NUP62CL: variants seen among roughly 807,000 people sequenced by gnomAD.
NUP62CL encodes the protein nucleoporin 62 C-terminal like, also known as nucleoporin-62 C-terminal-like protein.
In NUP62CL, 13 loss-of-function variants were observed where a neutral mutation model predicts 15.3. The ratio of observed to expected loss-of-function variants is 0.85; its 90% CI spans 0.55 to 1.35. The LOEUF is 1.35. NUP62CL is among the 40% of genes most tolerant of loss of function. The pLI, the probability that NUP62CL is intolerant of heterozygous loss-of-function variation, is 0.00. For synonymous variants in NUP62CL, 54 were observed against 49.2 expected, an observed-to-expected ratio of 1.10 and a Z score of -0.41; for missense variants, 123 against 130.6, an observed-to-expected ratio of 0.94 and a Z score of 0.28.
chrX:107,162,132 C>T (rs1040506206), intron 4 of NUP62CL, among the ~76,000 whole-genome samples: 11 of 110,378 alleles, frequency 1.0e-4, no homozygotes, highest in Admixed American at 8.7e-4. Flanking sequence ...AGAATGGAGT[C>T]AACAGAGGAT....
intron 8 of NUP62CL, among the ~76,000 whole-genome samples, chrX:107,142,597 C>T (rs1160039099): frequency 9.0e-6 from 1 of 111,693 alleles, no homozygotes; most frequent in East Asian, 2.8e-4. Context: ...TTCCATTGCC[C>T]GTTCCTTTAT....
At chrX:107,148,384 A>G (rs1467939908) in intron 7 of NUP62CL, among the ~76,000 whole-genome samples, 1 of 111,659 alleles carries the variant, frequency 9.0e-6, no homozygotes, top group Non-Finnish European at 1.9e-5. Context: ...GGACTATTTT[A>G]TATTGGCTAA....
intron 8 of NUP62CL, among the ~76,000 whole-genome samples, chrX:107,137,674 A>G (rs979991324): frequency 1.8e-5 from 2 of 111,966 alleles, no homozygotes; most frequent in African/African-American, 6.5e-5. Flanking sequence ...AAACCAAAAC[A>G]TGTATGTGAT....
At chrX:107,127,108 G>A (rs867886748) in intron 8 of NUP62CL, among the ~76,000 whole-genome samples, 1 of 111,079 alleles carries the variant, frequency 9.0e-6, no homozygotes, top group Non-Finnish European at 1.9e-5. Context: ...ACAATGAAAT[G>A]ATACACAGCA....
chrX:107,186,442 C>CT (rs1395525376), intron 2 of NUP62CL, among the ~76,000 whole-genome samples: 1 of 111,300 alleles, frequency 9.0e-6, no homozygotes, highest in Non-Finnish European at 1.9e-5. Context: ...TTTGCAGATA[C>CT]TTTTAATACA....
intron 8 of NUP62CL, among the ~76,000 whole-genome samples, chrX:107,138,049 C>T (rs763767259): frequency 1.3e-4 from 14 of 111,000 alleles, no homozygotes; most frequent in Non-Finnish European, 2.5e-4. Flanking sequence ...TTTTTTAAGG[C>T]ACAAAAGCAA....
chrX:107,130,593 T>A (rs1465012571), intron 8 of NUP62CL, among the ~76,000 whole-genome samples: 1 of 111,146 alleles, frequency 9.0e-6, no homozygotes, highest in African/African-American at 3.3e-5. Flanking sequence ...AGAGTCAATA[T>A]AAGAATGCTA....
intron 3 of NUP62CL, among the ~76,000 whole-genome samples, chrX:107,173,000 T>C (rs1926686592): frequency 9.0e-6 from 1 of 111,656 alleles, no homozygotes; most frequent in African/African-American, 3.2e-5. Flanking sequence ...TCCTGATAAT[T>C]CTAAAATCTT....
intron 1 of NUP62CL, among the ~76,000 whole-genome samples, chrX:107,194,929 G>A (rs945275926): frequency 4.2e-4 from 42 of 99,728 alleles, no homozygotes; most frequent in Non-Finnish European, 5.9e-4. Context: ...CAATTCTCCC[G>A]CCTCAGTCTC....
At chrX:107,195,193 A>G (rs1000256268) in intron 1 of NUP62CL, among the ~76,000 whole-genome samples, 3 of 111,538 alleles carry the variant, frequency 2.7e-5, no homozygotes, top group Non-Finnish European at 5.6e-5. Flanking sequence ...AAAATAAATT[A>G]TAAGAGAACT....
At chrX:107,157,967 G>A (rs1428640100) in intron 4 of NUP62CL, among the ~76,000 whole-genome samples, 1 of 103,837 alleles carries the variant, frequency 9.6e-6, no homozygotes, top group Admixed American at 1.0e-4. Flanking sequence ...AAAAAAGGCA[G>A]GGGTTGCAAT....
chrX:107,131,592 A>G, intron 8 of NUP62CL: 3 of 435,612 alleles, frequency 6.9e-6, no homozygotes, highest in South Asian at 6.1e-5. Flanking sequence ...TCAAGATGGC[A>G]GCTCCGCGTC....
intron 2 of NUP62CL, among the ~76,000 whole-genome samples, chrX:107,177,539 G>T (rs1426787481): frequency 9.0e-6 from 1 of 111,429 alleles, no homozygotes. Context: ...ACCTTTCCAG[G>T]ATGTGGTCAG....
intron 8 of NUP62CL, among the ~76,000 whole-genome samples, chrX:107,132,811 T>C (rs1430401303): frequency 8.9e-6 from 1 of 111,859 alleles, no homozygotes; most frequent in Non-Finnish European, 1.9e-5. Flanking sequence ...CCCTTCTGAG[T>C]CCTTTAAATT....
At chrX:107,189,302 TG>T (rs751866940) in intron 2 of NUP62CL, among the ~76,000 whole-genome samples, 6 of 111,497 alleles carry the variant, frequency 5.4e-5, no homozygotes, top group Admixed American at 9.5e-5. Context: ...ATTGCACTAC[TG>T]GGTATTTATC....
intron 8 of NUP62CL, among the ~76,000 whole-genome samples, chrX:107,142,751 T>C (rs1925801731): frequency 8.9e-6 from 1 of 111,849 alleles, no homozygotes; most frequent in South Asian, 3.7e-4. Context: ...TTCAGATGCA[T>C]TGCCAATTCT....
chrX:107,152,153 T>TAGATATATATATTCAG (rs1926056733), intron 7 of NUP62CL, among the ~76,000 whole-genome samples: 1 of 58,237 alleles, frequency 1.7e-5, no homozygotes, highest in African/African-American at 8.1e-5. Context: ...TATATTCAGA[T>TAGATATATATATTCAG]ATATATATAT....
intron 2 of NUP62CL, among the ~76,000 whole-genome samples, chrX:107,176,625 CTG>C (rs1442404676): frequency 9.2e-6 from 1 of 108,442 alleles, no homozygotes; most frequent in African/African-American, 3.4e-5. Flanking sequence ...GTTGTACACT[CTG>C]TGACTATATT....
chrX:107,125,373 G>A (rs1682037), intron 8 of NUP62CL, among the ~76,000 whole-genome samples: 40,449 of 109,812 alleles, frequency 0.37, 8,108 homozygotes, highest in African/African-American at 0.77. Flanking sequence ...TTGGGGAGTC[G>A]AAAGTTATAT....
Sources: gnomAD v4.1 joint callset for allele counts (sites outside exome capture counted in the v4.1 genomes callset) on GRCh38, gnomAD v4.1.1 for gene constraint, MANE v1.5 for transcripts, NCBI Gene and HGNC (gene_info 2026-07-23, HGNC 2026-07-21) for gene names.